The following STPG2 variants were observed in gnomAD, a reference collection of about 807,000 sequenced individuals.
STPG2 encodes the protein sperm-tail PG-rich repeat-containing protein 2.
In STPG2, 56 loss-of-function variants were observed where a neutral mutation model predicts 54.2. That is an observed-to-expected ratio of 1.03 (90% CI 0.83 to 1.29). The LOEUF (loss-of-function observed/expected upper bound fraction) is 1.29. Among genes scored for constraint, STPG2 ranks in the 50% most tolerant of loss-of-function variants. STPG2 has a pLI of 0.00. For synonymous variants in STPG2, 200 were observed against 181.8 expected, an observed-to-expected ratio of 1.10 and a Z score of -0.81; for missense variants, 596 against 544.9, an observed-to-expected ratio of 1.09 and a Z score of -0.93.
chr4:97,849,985 G>A (rs1041691370), intron 8 of STPG2, among the ~76,000 whole-genome samples: 13 of 151,676 alleles, frequency 8.6e-5, no homozygotes, highest in South Asian at 2.1e-4. Flanking sequence ...TGTTTATTGC[G>A]GCATTATTCA....
chr4:97,802,264 T>C (rs1727423259), intron 9 of STPG2, among the ~76,000 whole-genome samples: 3 of 152,164 alleles, frequency 2.0e-5, no homozygotes, highest in South Asian at 4.1e-4. Flanking sequence ...CATCTCTGCA[T>C]ATCTAAATTA....
At chr4:97,463,067 T>C (rs2148809524) in intron 4 of STPG2, among the ~76,000 whole-genome samples, 1 of 152,320 alleles carries the variant, frequency 6.6e-6, no homozygotes, top group South Asian at 2.1e-4. Context: ...GATCACATAA[T>C]TTTTCACCAT....
chr4:97,852,779 A>T (rs1729203103), intron 8 of STPG2, among the ~76,000 whole-genome samples: 1 of 152,088 alleles, frequency 6.6e-6, no homozygotes, highest in African/African-American at 2.4e-5. Flanking sequence ...TGGAACAAGA[A>T]GAAAGGAACA....
At chr4:97,737,943 G>T (rs1166247767) in intron 9 of STPG2, among the ~76,000 whole-genome samples, 1 of 152,156 alleles carries the variant, frequency 6.6e-6, no homozygotes, top group African/African-American at 2.4e-5. Context: ...AGGAAAAAAT[G>T]TTAAGGGCAG....
At chr4:97,775,959 A>G (rs920843700) in intron 9 of STPG2, among the ~76,000 whole-genome samples, 1 of 151,968 alleles carries the variant, frequency 6.6e-6, no homozygotes, top group Admixed American at 6.6e-5. Context: ...ATGGGGTTTC[A>G]CCACATTGAC....
chr4:97,937,263 A>T (rs1020700895), intron 8 of STPG2, among the ~76,000 whole-genome samples: 2 of 151,978 alleles, frequency 1.3e-5, no homozygotes, highest in Non-Finnish European at 2.9e-5. Context: ...TGGTTATTCT[A>T]GCTAGCAGCT....
At chr4:97,534,766 T>C (rs895462522) in intron 4 of STPG2, among the ~76,000 whole-genome samples, 1 of 152,154 alleles carries the variant, frequency 6.6e-6, no homozygotes, top group Non-Finnish European at 1.5e-5. Context: ...CTTGTGTCCT[T>C]TTACAAACAA....
chr4:97,668,324 G>T (rs947560127), intron 10 of STPG2, among the ~76,000 whole-genome samples: 2 of 152,124 alleles, frequency 1.3e-5, no homozygotes, highest in African/African-American at 2.4e-5. Flanking sequence ...TAGACAAGTG[G>T]CCAGACTGTG....
At chr4:97,903,601 G>T (rs912504401) in intron 8 of STPG2, among the ~76,000 whole-genome samples, 1 of 152,144 alleles carries the variant, frequency 6.6e-6, no homozygotes, top group Non-Finnish European at 1.5e-5. Flanking sequence ...AAAAAAGAGG[G>T]GAAGGAGCCA....
chr4:97,671,290 G>C (rs1226899025), intron 10 of STPG2, among the ~76,000 whole-genome samples: 2 of 152,136 alleles, frequency 1.3e-5, no homozygotes, highest in Non-Finnish European at 2.9e-5. Flanking sequence ...TATTTAGATA[G>C]GAAATGTGAC....
intron 8 of STPG2, among the ~76,000 whole-genome samples, chr4:97,870,633 A>G (rs946934941): frequency 6.6e-6 from 1 of 151,424 alleles, no homozygotes; most frequent in African/African-American, 2.4e-5. Context: ...TAAAACTATG[A>G]CTTCATGTAT....
chr4:97,904,011 C>T (rs149264685), intron 8 of STPG2, among the ~76,000 whole-genome samples: 2 of 152,158 alleles, frequency 1.3e-5, no homozygotes, highest in Non-Finnish European at 1.5e-5. Context: ...AAGGCAGCAG[C>T]GAGGCTGGGG....
intron 8 of STPG2, among the ~76,000 whole-genome samples, chr4:97,931,000 A>G (rs976702272): frequency 2.0e-5 from 3 of 152,168 alleles, no homozygotes; most frequent in African/African-American, 2.4e-5. Context: ...CTGTTGGTGT[A>G]TGAAAATATT....
At chr4:97,827,806 C>A (rs922437302) in intron 9 of STPG2, among the ~76,000 whole-genome samples, 17 of 152,064 alleles carry the variant, frequency 1.1e-4, no homozygotes, top group Non-Finnish European at 1.3e-4. Flanking sequence ...CAATAAAAGA[C>A]CCTTAAGAAA....
chr4:98,078,897 A>C (rs1738254557), intron 5 of STPG2, among the ~76,000 whole-genome samples: 2 of 152,124 alleles, frequency 1.3e-5, no homozygotes, highest in Non-Finnish European at 2.9e-5. Flanking sequence ...AGGTATTGTA[A>C]GTCTATTAGA....
intron 1 of STPG2, among the ~76,000 whole-genome samples, chr4:98,136,941 G>A (rs889259225): frequency 4.0e-5 from 6 of 151,544 alleles, no homozygotes; most frequent in African/African-American, 1.5e-4. Context: ...TAGGGAAAAA[G>A]GAAAAAGAAC....
intron 10 of STPG2, among the ~76,000 whole-genome samples, chr4:97,610,142 A>C (rs1170402833): frequency 6.6e-6 from 1 of 152,062 alleles, no homozygotes; most frequent in Admixed American, 6.6e-5. Flanking sequence ...AAAATTAAGA[A>C]AGAAAATAAA....
chr4:98,052,245 C>CATTT (rs1418074554), intron 5 of STPG2, among the ~76,000 whole-genome samples: 2 of 152,062 alleles, frequency 1.3e-5, no homozygotes, highest in African/African-American at 4.8e-5. Context: ...TTGCTTAAGG[C>CATTT]ATTTATTGGA....
At chr4:97,896,695 C>A (rs1318793575) in intron 8 of STPG2, among the ~76,000 whole-genome samples, 1 of 151,322 alleles carries the variant, frequency 6.6e-6, no homozygotes, top group African/African-American at 2.4e-5. Flanking sequence ...AATTTCACAT[C>A]AAATAAATAT....
Sources: gnomAD v4.1 joint callset for allele counts (sites outside exome capture counted in the v4.1 genomes callset) on GRCh38, gnomAD v4.1.1 for gene constraint, MANE v1.5 for transcripts, NCBI Gene and HGNC (gene_info 2026-07-23, HGNC 2026-07-21) for gene names.